SH3GL2: variants seen among roughly 807,000 people sequenced by gnomAD.
SH3GL2 encodes the protein endophilin-A1.
Under a neutral mutation model 46.0 loss-of-function variants are expected in SH3GL2, and 24 were observed. The ratio of observed to expected loss-of-function variants is 0.52; its 90% CI spans 0.38 to 0.73. The LOEUF (loss-of-function observed/expected upper bound fraction) is 0.73. Ranked by LOEUF, SH3GL2 falls within the 30% of genes least tolerant of loss-of-function variation. The pLI is 0.00. For missense variants in SH3GL2, 413 were observed against 424.2 expected, an observed-to-expected ratio of 0.97 and a Z score of 0.23; for synonymous variants, 196 against 147.1, an observed-to-expected ratio of 1.33 and a Z score of -2.40.
chr9:17,660,329 C>T (rs1820181667), intron 1 of SH3GL2, among the ~76,000 whole-genome samples: 1 of 152,186 alleles, frequency 6.6e-6, no homozygotes, highest in South Asian at 2.1e-4. Flanking sequence ...AGCTGTGTGT[C>T]TGTGGACCTC....
intron 1 of SH3GL2, among the ~76,000 whole-genome samples, chr9:17,614,629 A>G (rs1818944804): frequency 6.6e-6 from 1 of 152,208 alleles, no homozygotes; most frequent in Admixed American, 6.5e-5. Context: ...ATTCTTGTGT[A>G]GTATGACAAC....
chr9:17,662,520 C>T (rs1463716194), intron 1 of SH3GL2, among the ~76,000 whole-genome samples: 1 of 152,112 alleles, frequency 6.6e-6, no homozygotes, highest in Admixed American at 6.6e-5. Context: ...ACTGGAAGCT[C>T]CAGTGCCTTC....
At chr9:17,615,146 C>A (rs1323835608) in intron 1 of SH3GL2, among the ~76,000 whole-genome samples, 2 of 152,176 alleles carry the variant, frequency 1.3e-5, no homozygotes, top group Non-Finnish European at 2.9e-5. Flanking sequence ...GTGTTTATTG[C>A]ACAATTTGGT....
intron 1 of SH3GL2, among the ~76,000 whole-genome samples, chr9:17,637,831 A>G (rs544774498): frequency 1.3e-5 from 2 of 152,150 alleles, no homozygotes; most frequent in Non-Finnish European, 2.9e-5. Flanking sequence ...CTTAATATCT[A>G]TTCCTCCATC....
At chr9:17,768,340 C>G (rs377710533) in intron 3 of SH3GL2, among the ~76,000 whole-genome samples, 2 of 131,124 alleles carry the variant, frequency 1.5e-5, no homozygotes, top group East Asian at 4.4e-4. Flanking sequence ...CACTGCACTG[C>G]AGCCTGGGCG....
At chr9:17,659,833 G>A (rs950568947) in intron 1 of SH3GL2, among the ~76,000 whole-genome samples, 6 of 152,224 alleles carry the variant, frequency 3.9e-5, no homozygotes, top group South Asian at 2.1e-4. Flanking sequence ...GCTTGAGAGC[G>A]CTTCATCACC....
At chr9:17,594,200 G>A (rs1818532198) in intron 1 of SH3GL2, among the ~76,000 whole-genome samples, 1 of 152,076 alleles carries the variant, frequency 6.6e-6, no homozygotes, top group African/African-American at 2.4e-5. Flanking sequence ...TCAGTGATCT[G>A]CTTTCACTCT....
intron 1 of SH3GL2, among the ~76,000 whole-genome samples, chr9:17,667,564 G>C (rs78021465): frequency 0.018 from 2,770 of 152,222 alleles, 90 homozygotes; most frequent in African/African-American, 0.064. Flanking sequence ...TTTCTCATCA[G>C]TTGGACATTT....
chr9:17,739,772 T>G (rs62549699), intron 1 of SH3GL2, among the ~76,000 whole-genome samples: 33,338 of 152,088 alleles, frequency 0.22, 3,938 homozygotes, highest in African/African-American at 0.28. Flanking sequence ...CTATTATAAA[T>G]TTTTCCAACT....
intron 3 of SH3GL2, 112 bp from the exon 4 acceptor site, chr9:17,786,269 A>T (rs150871714): frequency 7.6e-6 from 7 of 922,386 alleles, no homozygotes; most frequent in Middle Eastern, 2.7e-4. Context: ...AGGTACACTT[A>T]TCAGTAGCTG....
chr9:17,661,030 C>T (rs1820199155), intron 1 of SH3GL2, among the ~76,000 whole-genome samples: 1 of 152,032 alleles, frequency 6.6e-6, no homozygotes. Context: ...GGCACGATGG[C>T]AGGCACCTGT....
chr9:17,679,278 T>G (rs1820700739), intron 1 of SH3GL2, among the ~76,000 whole-genome samples: 1 of 152,234 alleles, frequency 6.6e-6, no homozygotes, highest in Non-Finnish European at 1.5e-5. Context: ...GGAATGTTCT[T>G]CCATTTGTTT....
At chr9:17,779,228 C>A (rs952367388) in intron 3 of SH3GL2, among the ~76,000 whole-genome samples, 3 of 152,106 alleles carry the variant, frequency 2.0e-5, no homozygotes, top group Non-Finnish European at 4.4e-5. Flanking sequence ...GTCCTTAAAT[C>A]TATGGTTTTA....
chr9:17,719,821 C>T (rs1400839298), intron 1 of SH3GL2, among the ~76,000 whole-genome samples: 2 of 151,076 alleles, frequency 1.3e-5, no homozygotes, highest in African/African-American at 4.9e-5. Flanking sequence ...TTGTAATGCC[C>T]TTGTGCTACT....
intron 1 of SH3GL2, among the ~76,000 whole-genome samples, chr9:17,594,623 G>C (rs1313454102): frequency 6.6e-6 from 1 of 151,984 alleles, no homozygotes; most frequent in Non-Finnish European, 1.5e-5. Flanking sequence ...TTCTGCACAT[G>C]TATCCTGGAA....
chr9:17,652,902 A>G (rs1457663663), intron 1 of SH3GL2, among the ~76,000 whole-genome samples: 2 of 151,882 alleles, frequency 1.3e-5, no homozygotes. Context: ...TACCTCTGTG[A>G]TTGTTGTATT....
At chr9:17,719,466 G>T (rs188520054) in intron 1 of SH3GL2, among the ~76,000 whole-genome samples, 73 of 152,222 alleles carry the variant, frequency 4.8e-4, no homozygotes, top group Non-Finnish European at 7.4e-5. Context: ...ATTGGAGTCA[G>T]GTACATCATG....
chr9:17,675,814 G>A (rs1016862552), intron 1 of SH3GL2, among the ~76,000 whole-genome samples: 3 of 152,172 alleles, frequency 2.0e-5, no homozygotes, highest in Non-Finnish European at 4.4e-5. Context: ...GTGTGGTGGC[G>A]GGTGCCTGTA....
chr9:17,675,046 G>A (rs1820573308), intron 1 of SH3GL2, among the ~76,000 whole-genome samples: 1 of 152,156 alleles, frequency 6.6e-6, no homozygotes, highest in Admixed American at 6.5e-5. Flanking sequence ...GTTGCTGTCA[G>A]CACAGTATAC....
Sources: allele counts gnomAD v4.1 joint callset (sites outside exome capture counted in the v4.1 genomes callset), GRCh38; gene constraint gnomAD v4.1.1; transcripts MANE v1.5; gene names NCBI Gene and HGNC (gene_info 2026-07-23, HGNC 2026-07-21).